Variants in CSMD2 observed in about 807,000 individuals in gnomAD.
The protein encoded by CSMD2 is CUB and Sushi multiple domains 2.
Under a neutral mutation model 398.5 loss-of-function variants are expected in CSMD2, and 130 were observed. The observed-to-expected ratio is 0.33, with a 90% CI of 0.28 to 0.38. The LOEUF (loss-of-function observed/expected upper bound fraction) is 0.38. CSMD2 is among the 10% of genes least tolerant of loss of function. The probability of loss-of-function intolerance (pLI) is 1.00; values close to 1 mark genes in which losing one functional copy is unlikely to be tolerated. For missense variants in CSMD2, 3,829 were observed against 4,764.9 expected (o/e 0.80, Z 5.78); for synonymous variants, 1,828 against 1,908.5 (o/e 0.96, Z 1.10).
At chr1:33,908,672 C>CT (rs1483719034) in intron 5 of CSMD2, among the ~76,000 whole-genome samples, 1 of 152,232 alleles carries the variant, frequency 6.6e-6, no homozygotes, top group Non-Finnish European at 1.5e-5. Context: ...CTTTTGTTCT[C>CT]TTTTTGAGAG....
At chr1:34,110,435 A>G (rs1660959902) in intron 1 of CSMD2, among the ~76,000 whole-genome samples, 1 of 152,170 alleles carries the variant, frequency 6.6e-6, no homozygotes, top group East Asian at 1.9e-4. Flanking sequence ...AAAACATGGA[A>G]TCAACCTAAA....
At chr1:33,697,078 T>A (rs1645442849) in intron 24 of CSMD2, among the ~76,000 whole-genome samples, 2 of 152,172 alleles carry the variant, frequency 1.3e-5, no homozygotes, top group Non-Finnish European at 2.9e-5. Context: ...TAAATGCTCT[T>A]ATACTGCTTG....
Position 33,918,091 on chromosome 1 carries a change from T to A in CSMD2, c.920+3A>T. 1 of 1,613,128 alleles carries A rather than the reference T, an allele frequency of 6.2e-7. No homozygotes were observed. The highest frequency in any genetic ancestry group is 8.5e-7 in the Non-Finnish European group (1 of 1,179,766). On this transcript the variant is annotated splice_donor_region_variant and intron_variant, in intron 5 of 70. Coordinates refer to ENST00000373381, the MANE Select transcript of CSMD2 (RefSeq NM_001281956.2). Reference sequence around the variant, plus strand: ...TAGGAAAGGAAGGTGATGTTGTGCTTACCAGAGGGAGGAGCCTTCTGTCCC... The same window carrying A: ...TAGGAAAGGAAGGTGATGTTGTGCTAACCAGAGGGAGGAGCCTTCTGTCCC...
At chr1:33,551,749 C>T (rs6425827) in intron 55 of CSMD2, among the ~76,000 whole-genome samples, 33,637 of 152,186 alleles carry the variant, frequency 0.22, 4,133 homozygotes, top group Admixed American at 0.37. Flanking sequence ...CCCCTTTCCC[C>T]TCCCCTTGAA....
chr1:34,060,810 G>A (rs1405519170), intron 2 of CSMD2, among the ~76,000 whole-genome samples: 1 of 152,162 alleles, frequency 6.6e-6, no homozygotes. Context: ...TAAAAAGGCT[G>A]TGAAGGCTTG....
intron 6 of CSMD2, among the ~76,000 whole-genome samples, chr1:33,836,160 G>A (rs1170084461): frequency 2.0e-5 from 3 of 152,206 alleles, no homozygotes; most frequent in East Asian, 1.9e-4. Flanking sequence ...TATCAGCAGC[G>A]AAGCCTGCAG....
chr1:33,656,987 G>A (rs909993341), intron 27 of CSMD2, among the ~76,000 whole-genome samples: 3 of 152,098 alleles, frequency 2.0e-5, no homozygotes, highest in African/African-American at 7.2e-5. Flanking sequence ...TGTGGAAGTG[G>A]GCACCTGGAG....
intron 5 of CSMD2, among the ~76,000 whole-genome samples, chr1:33,865,412 A>AG (rs1558024828): frequency 6.6e-6 from 1 of 151,714 alleles, no homozygotes; most frequent in African/African-American, 2.4e-5. Flanking sequence ...AAAAAAAAAA[A>AG]AAAAGCAGGG....
At chr1:34,093,960 A>C (rs12024123) in intron 1 of CSMD2, among the ~76,000 whole-genome samples, 18,343 of 151,084 alleles carry the variant, frequency 0.12, 1,314 homozygotes, top group East Asian at 0.36. Flanking sequence ...TAATTGTCAG[A>C]TTCACCAAAG....
chr1:33,644,368 G>A (rs1434905887), intron 29 of CSMD2, among the ~76,000 whole-genome samples: 1 of 152,180 alleles, frequency 6.6e-6, no homozygotes, highest in East Asian at 1.9e-4. Flanking sequence ...ACTGTATCCA[G>A]GGAAGCTGAA....
intron 2 of CSMD2, among the ~76,000 whole-genome samples, chr1:34,057,891 T>C (rs529566728): frequency 6.1e-4 from 93 of 152,322 alleles, no homozygotes; most frequent in African/African-American, 2.2e-3. Flanking sequence ...ACCACACATC[T>C]GAGCACTGGC....
chr1:33,793,044 TC>T (rs1654513417), intron 10 of CSMD2, among the ~76,000 whole-genome samples: 1 of 152,222 alleles, frequency 6.6e-6, no homozygotes, highest in African/African-American at 2.4e-5. Flanking sequence ...AATCCTGCCT[TC>T]CACAAATATT....
At chr1:33,784,436 C>A (rs1446957773) in intron 12 of CSMD2, among the ~76,000 whole-genome samples, 1 of 152,128 alleles carries the variant, frequency 6.6e-6, no homozygotes, top group African/African-American at 2.4e-5. Context: ...TATAAAAAGT[C>A]AAAGGTGGAA....
At chr1:33,744,767 TA>T (rs1177026212) in intron 13 of CSMD2, among the ~76,000 whole-genome samples, 1 of 152,024 alleles carries the variant, frequency 6.6e-6, no homozygotes, top group Non-Finnish European at 1.5e-5. Flanking sequence ...ATAGAATTAA[TA>T]TGACAACACA....
intron 36 of CSMD2, 22 bp from the exon 37 acceptor site, chr1:33,622,293 A>G: frequency 6.3e-7 from 1 of 1,589,324 alleles, no homozygotes; most frequent in Non-Finnish European, 8.6e-7. Flanking sequence ...ACACCAGGGA[A>G]AACCATTTAA....
At chr1:34,085,596 C>T (rs1657784375) in intron 2 of CSMD2, among the ~76,000 whole-genome samples, 1 of 151,992 alleles carries the variant, frequency 6.6e-6, no homozygotes, top group Non-Finnish European at 1.5e-5. Flanking sequence ...AATTCTAAAA[C>T]AAGATGGTGA....
In CSMD2 at chr1:33,567,853, G is replaced by C. The variant is rs1659199542; in HGVS notation, c.8132-12C>G. 6.4e-7 allele frequency: 1 copy of C among 1,559,398 alleles called. No individual in the cohort carries two copies. On this transcript the variant is annotated splice_polypyrimidine_tract_variant and intron_variant, in intron 52 of 70. Transcript: ENST00000373381. ...CTTGGTCTGAGTGGCTAGAGACAGG[G>C]ATGGTGGGGAAAAGGACCAACTATC...
At position 34,102,147 on chromosome 1, in the gene CSMD2, C is replaced by A. The variant is rs572505471; in HGVS notation, c.188-12954G>T. Among the ~76,000 whole-genome samples, 20 of 152,214 alleles carry A rather than the reference C, an allele frequency of 1.3e-4. No homozygotes were observed. The East Asian group carries it at 2.9e-3, about 22-fold the overall frequency. On this transcript the variant is annotated intron_variant, in intron 1 of 70. Coordinates refer to ENST00000373381, the MANE Select transcript of CSMD2 (RefSeq NM_001281956.2). ...CCAGGTTAATGCCATTCTCCTGCCT[C>A]AGCCTCCCGATTAGCTGGGACTACA... is the stretch of plus-strand genomic sequence containing the variant.
intron 10 of CSMD2, among the ~76,000 whole-genome samples, chr1:33,799,746 A>G (rs1317451753): frequency 1.3e-5 from 2 of 152,346 alleles, no homozygotes; most frequent in Non-Finnish European, 2.9e-5. Flanking sequence ...AGTCATATGA[A>G]AAGCAGCAGA....
Sources: gnomAD v4.1 joint callset for allele counts (sites outside exome capture counted in the v4.1 genomes callset) on GRCh38, gnomAD v4.1.1 for gene constraint, MANE v1.5 for transcripts, NCBI Gene and HGNC (gene_info 2026-07-23, HGNC 2026-07-21) for gene names.